CEP63: variants seen among roughly 807,000 people sequenced by gnomAD.
CEP63 encodes the protein centrosomal protein 63.
CEP63 carries 84 observed loss-of-function variants against 89.1 expected under a neutral mutation model. The ratio of observed to expected loss-of-function variants is 0.94; its 90% confidence interval spans 0.79 to 1.13. The LOEUF (loss-of-function observed/expected upper bound fraction) is 1.13. CEP63 is among the 50% of genes most tolerant of loss of function. The pLI is 0.00. For missense variants in CEP63, 838 were observed against 813.3 expected, an observed-to-expected ratio of 1.03 and a Z score of -0.37; for synonymous variants, 267 against 272.5, an observed-to-expected ratio of 0.98 and a Z score of 0.20.
chr3:134,554,840 A>C (rs1439047133), intron 12 of CEP63, among the ~76,000 whole-genome samples: 4 of 151,622 alleles, frequency 2.6e-5, no homozygotes, highest in Admixed American at 2.0e-4. Context: ...GCCAGTGATG[A>C]TGAGCATTTT....
chr3:134,676,038 ACCCAAGAGAAGT>A, the CEP63 span, among the ~76,000 whole-genome samples: 2 of 152,204 alleles, frequency 1.3e-5, no homozygotes, highest in African/African-American at 4.8e-5. Flanking sequence ...CTAGGTATAC[ACCCAAGAGAAGT>A]GAAAATGTAT....
chr3:134,530,542 C>T (rs1344681983), intron 3 of CEP63, among the ~76,000 whole-genome samples: 1 of 151,804 alleles, frequency 6.6e-6, no homozygotes, highest in Non-Finnish European at 1.5e-5. Context: ...ATTTATTTAC[C>T]TTTTAATTTT....
chr3:134,593,258 A>C, the CEP63 span, among the ~76,000 whole-genome samples: 14 of 152,294 alleles, frequency 9.2e-5, no homozygotes, highest in African/African-American at 2.6e-4. Flanking sequence ...CATCCTCATT[A>C]TGCTGATGAT....
downstream of CEP63, among the ~76,000 whole-genome samples, chr3:134,579,250 G>A (rs1317203240): frequency 3.3e-5 from 5 of 152,204 alleles, no homozygotes; most frequent in Non-Finnish European, 7.3e-5. Context: ...TAACTTATAT[G>A]TTGTCCTTGG....
rs892641736 is a variant in CEP63, at chr3:134,573,217, G to T, written c.1330-1576G>T. On this transcript the variant is annotated intron_variant, in intron 11 of 11. Coordinates refer to the CEP63 transcript ENST00000354446. ...GTTCTCCCATTTTGTTTACTCTGTA[G>T]AAAGTTTCTTTTGCTGTGCAGAAGT... is the stretch of plus-strand genomic sequence containing the variant. Among the ~76,000 whole-genome samples the T allele has an allele frequency of 3.3e-5, 5 of 152,088 alleles. No homozygotes were observed. In the East Asian group the frequency reaches 9.6e-4, roughly 29 times the overall value.
rs749003906 is a variant in CEP63, at chr3:134,549,081, A to T, written c.1087A>T (p.Thr363Ser). The change falls in exon 10 of 15, where the codon ACG becomes TCG. Residue 363 changes from threonine (T) to serine (S), a missense_variant. Physicochemically the swap from Thr to Ser is moderately conservative, Grantham distance 58. Coordinates refer to ENST00000675561, the MANE Select transcript of CEP63 (RefSeq NM_001353108.3). ...LEGSLESVSA[T>S]CKQLSQELME... ...ATACAGTTTGGAATCTGTGAGTGCA[A>T]CGTGTAAACAGCTGAGCCAAGAACT... The T allele has an allele frequency of 1.2e-6, 2 of 1,612,598 alleles. No homozygotes were observed. The highest frequency in any genetic ancestry group is 2.7e-5 in the African/African-American group (2 of 74,996).
the CEP63 span, among the ~76,000 whole-genome samples, chr3:134,696,309 A>G: frequency 9.2e-5 from 14 of 152,170 alleles, no homozygotes; most frequent in Non-Finnish European, 1.9e-4. Flanking sequence ...CAAGCTCTGT[A>G]CTATGGCAAA....
At chr3:134,612,411 C>T in the CEP63 span, among the ~76,000 whole-genome samples, 1 of 152,146 alleles carries the variant, frequency 6.6e-6, no homozygotes, top group Non-Finnish European at 1.5e-5. Context: ...GTGCTCTCTC[C>T]TCATTTCTCT....
intron 12 of CEP63, 34 bp from the exon 13 acceptor site, chr3:134,558,108 C>T (rs758697861): frequency 6.5e-7 from 1 of 1,541,328 alleles, no homozygotes; most frequent in South Asian, 1.1e-5. Context: ...TATTCTTGTA[C>T]AGATTAAGTG....
At chr3:134,541,072 G>A (rs1007146511) in intron 6 of CEP63, among the ~76,000 whole-genome samples, 1 of 151,966 alleles carries the variant, frequency 6.6e-6, no homozygotes, top group African/African-American at 2.4e-5. Flanking sequence ...GTGAACCATC[G>A]CACCTGGCCG....
At chr3:134,603,055 T>C in the CEP63 span, 1 of 152,588 alleles carries the variant, frequency 6.6e-6, no homozygotes, top group Admixed American at 6.5e-5. Flanking sequence ...TGATCAGGTC[T>C]GGGAGGAGAA....
rs1043137501 is a variant in CEP63, at chr3:134,559,249, C to A, written c.1773C>A (p.Pro591=). 1.2e-6 allele frequency: 2 copies of A among 1,614,140 alleles called. No homozygotes were observed. The highest frequency in any genetic ancestry group is 1.7e-6 in the Non-Finnish European group (2 of 1,180,008). ...PRGQASDSIN[P]MSRVLSPLSP... ...GACAAGCGTCGGATAGTATAAACCC[C>A]ATGTCTAGGGTGCTAAGCCCCCTGA... Residue 591 remains proline (P), a synonymous_variant, in exon 14 of 15, where the codon CCC becomes CCA. Transcript: ENST00000675561.
chr3:134,576,261 T>C (rs1958210487), downstream of CEP63, among the ~76,000 whole-genome samples: 1 of 152,242 alleles, frequency 6.6e-6, no homozygotes, highest in African/African-American at 2.4e-5. Context: ...TTTTGATTAA[T>C]GCTTAAACAT....
At chr3:134,683,408 G>A in the CEP63 span, among the ~76,000 whole-genome samples, 9 of 152,136 alleles carry the variant, frequency 5.9e-5, no homozygotes, top group Admixed American at 2.6e-4. Flanking sequence ...AAAAGGACCT[G>A]GATGTGACTT....
chr3:134,663,394 C>A, the CEP63 span, among the ~76,000 whole-genome samples: 168 of 152,296 alleles, frequency 1.1e-3, 6 homozygotes, highest in East Asian at 0.032. Flanking sequence ...TGAGGCAGAT[C>A]AGCAGATCAC....
the CEP63 span, among the ~76,000 whole-genome samples, chr3:134,751,993 C>T: frequency 6.6e-6 from 1 of 152,062 alleles, no homozygotes; most frequent in Non-Finnish European, 1.5e-5. Context: ...TGGGCAGGGA[C>T]GGGGCTTTCC....
intron 12 of CEP63, among the ~76,000 whole-genome samples, chr3:134,557,230 CTGGCAT>C (rs1343628162): frequency 6.6e-6 from 1 of 152,000 alleles, no homozygotes; most frequent in African/African-American, 2.4e-5. Context: ...GATATTTTAT[CTGGCAT>C]TGACAACTTG....
chr3:134,715,765 C>G, the CEP63 span, among the ~76,000 whole-genome samples: 1 of 151,996 alleles, frequency 6.6e-6, no homozygotes, highest in African/African-American at 2.4e-5. Flanking sequence ...TTCAAATTTC[C>G]CCTTTACAAA....
intron 1 of CEP63, among the ~76,000 whole-genome samples, chr3:134,492,506 A>C (rs956463689): frequency 6.6e-6 from 1 of 151,900 alleles, no homozygotes; most frequent in Non-Finnish European, 1.5e-5. Flanking sequence ...GGTATTACAG[A>C]AACACTTTGC....
Sources: gnomAD v4.1 joint callset for allele counts (sites outside exome capture counted in the v4.1 genomes callset) on GRCh38, gnomAD v4.1.1 for gene constraint, MANE v1.5 for transcripts, NCBI Gene and HGNC (gene_info 2026-07-23, HGNC 2026-07-21) for gene names.